COL4A4: variants seen among roughly 807,000 people sequenced by gnomAD.
The protein encoded by COL4A4 is collagen alpha-4(IV) chain.
In COL4A4, 105 loss-of-function variants were observed where a neutral mutation model predicts 192.9. That is an observed-to-expected ratio of 0.54 (90% confidence interval 0.46 to 0.64). The LOEUF is 0.64. COL4A4 is among the 30% of genes least tolerant of loss of function. The pLI, the probability that COL4A4 is intolerant of heterozygous loss-of-function variation, is 0.00. For missense variants in COL4A4, 1,967 were observed against 2,169.3 expected, an observed-to-expected ratio of 0.91 and a Z score of 1.85; for synonymous variants, 762 against 769.9, an observed-to-expected ratio of 0.99 and a Z score of 0.17.
In COL4A4 at chr2:227,077,875, A is replaced by C. The variant is rs764115912; in HGVS notation, c.1987+19T>G. 32 of 1,603,524 alleles carry C rather than the reference A, an allele frequency of 2.0e-5. No homozygotes were observed. In the South Asian group the frequency reaches 3.4e-4, roughly 17 times the overall value. Reference sequence around the variant, plus strand: ...GTACCCCAAAGCTATTGAAATAAATAAAATTTTTTTAAAATTACCTTTCTG... The same window carrying C: ...GTACCCCAAAGCTATTGAAATAAATCAAATTTTTTTAAAATTACCTTTCTG... On this transcript the variant is annotated intron_variant, in intron 25 of 47. Transcript: ENST00000396625.
chr2:227,131,504 T>G (rs2062464036), intron 4 of COL4A4, among the ~76,000 whole-genome samples: 1 of 152,200 alleles, frequency 6.6e-6, no homozygotes, highest in Admixed American at 6.5e-5. Flanking sequence ...CCTTACCCAC[T>G]GTGGTCAAAT....
chr2:227,072,524 T>C (rs1208889212), intron 25 of COL4A4, among the ~76,000 whole-genome samples: 1 of 151,876 alleles, frequency 6.6e-6, no homozygotes, highest in African/African-American at 2.4e-5. Context: ...AAAAGATTGA[T>C]AAAGAAGGCA....
At chr2:227,085,399 T>C (rs2059547982) in intron 22 of COL4A4, among the ~76,000 whole-genome samples, 1 of 152,092 alleles carries the variant, frequency 6.6e-6, no homozygotes, top group Non-Finnish European at 1.5e-5. Flanking sequence ...ACAAACACCA[T>C]GAGGACACAA....
At chr2:226,990,936 CA>C in the COL4A4 span, among the ~76,000 whole-genome samples, 2 of 152,070 alleles carry the variant, frequency 1.3e-5, no homozygotes, top group Non-Finnish European at 2.9e-5. Context: ...TGTAAATGTC[CA>C]ATGTATGATT....
chr2:226,983,290 G>C, the COL4A4 span, among the ~76,000 whole-genome samples: 5 of 152,070 alleles, frequency 3.3e-5, no homozygotes, highest in Admixed American at 3.3e-4. Flanking sequence ...GAGAATCACT[G>C]TTCTAAATCC....
At chr2:227,143,187 G>C (rs1370226466) in intron 3 of COL4A4, among the ~76,000 whole-genome samples, 2 of 152,122 alleles carry the variant, frequency 1.3e-5, no homozygotes, top group African/African-American at 4.8e-5. Context: ...TAATACATAT[G>C]CCTATCCATC....
At chr2:227,049,359 C>T (rs1973561886) in intron 34 of COL4A4, among the ~76,000 whole-genome samples, 1 of 152,214 alleles carries the variant, frequency 6.6e-6, no homozygotes, top group Non-Finnish European at 1.5e-5. Context: ...ATCTAGCCTG[C>T]AGCCAATTTT....
At chr2:227,120,900 CT>C in intron 5 of COL4A4, 113 bp downstream of exon 5, 1 of 1,399,204 alleles carries the variant, frequency 7.1e-7, no homozygotes. Context: ...GATCCCACCA[CT>C]GCATTCTAGC....
intron 24 of COL4A4, among the ~76,000 whole-genome samples, chr2:227,078,944 C>A (rs1440038767): frequency 6.6e-6 from 1 of 152,182 alleles, no homozygotes; most frequent in Admixed American, 6.5e-5. Context: ...GCAAAATTTG[C>A]ATCTGGTCTG....
At chr2:227,155,685 T>C (rs1029709389) in intron 1 of COL4A4, among the ~76,000 whole-genome samples, 1 of 152,086 alleles carries the variant, frequency 6.6e-6, no homozygotes, top group Non-Finnish European at 1.5e-5. Context: ...CCAAATACAA[T>C]GTGAGGCTAG....
chr2:227,090,597 C>G (rs1055293216), intron 20 of COL4A4, among the ~76,000 whole-genome samples: 2 of 151,452 alleles, frequency 1.3e-5, no homozygotes, highest in Admixed American at 6.6e-5. Flanking sequence ...TGCAAAATCA[C>G]AAAAATTAGC....
chr2:227,090,676 T>A (rs1172352334), intron 20 of COL4A4, among the ~76,000 whole-genome samples: 1 of 151,760 alleles, frequency 6.6e-6, no homozygotes, highest in Non-Finnish European at 1.5e-5. Flanking sequence ...CGCTTGAACC[T>A]GGGAGGCAGA....
chr2:227,013,262 TTC>T (rs1027422529), intron 44 of COL4A4, among the ~76,000 whole-genome samples: 3 of 152,140 alleles, frequency 2.0e-5, no homozygotes, highest in African/African-American at 7.2e-5. Context: ...TTGTTTTCTA[TTC>T]TCTTTCTCTC....
chr2:227,163,437 G>A (rs973854060), intron 1 of COL4A4, among the ~76,000 whole-genome samples: 3 of 152,238 alleles, frequency 2.0e-5, no homozygotes, highest in African/African-American at 7.2e-5. Flanking sequence ...ACGACTTGAG[G>A]ACTTCCATAA....
chr2:227,060,029 T>C (rs1320715176), intron 27 of COL4A4, 107 bp downstream of exon 27: 7 of 770,216 alleles, frequency 9.1e-6, no homozygotes, highest in Non-Finnish European at 1.5e-5. Flanking sequence ...TAGGGATCCC[T>C]GGACCATTTC....
chr2:227,111,315 C>T (rs1481332138), intron 9 of COL4A4, among the ~76,000 whole-genome samples: 1 of 152,142 alleles, frequency 6.6e-6, no homozygotes, highest in African/African-American at 2.4e-5. Flanking sequence ...ATTATTCTAG[C>T]TGGTATATAT....
intron 1 of COL4A4, among the ~76,000 whole-genome samples, chr2:227,148,330 A>C (rs1198692167): frequency 6.6e-6 from 1 of 152,232 alleles, no homozygotes; most frequent in Non-Finnish European, 1.5e-5. Context: ...CATGAAAAGG[A>C]ATGAAGTGCT....
rs191148534 is a variant in COL4A4, at chr2:227,021,748, C to T, written c.4216+300G>A. 6.0e-3 allele frequency among the ~76,000 whole-genome samples: 919 copies of T among 152,184 alleles called. 8 individuals are homozygous for T. Among genetic ancestry groups the T allele is most frequent in the African/African-American group, 0.021 (873 of 41,518 alleles). ...GCTGAGGCAGGAGAATGGCGTGAAC[C>T]TGGGAGGCGGAGCTTGCAGTGAGCC... On this transcript the variant is annotated intron_variant, in intron 44 of 47. Transcript: ENST00000396625.
intron 4 of COL4A4, among the ~76,000 whole-genome samples, chr2:227,133,361 A>G (rs920616713): frequency 2.0e-5 from 3 of 152,238 alleles, no homozygotes; most frequent in African/African-American, 7.2e-5. Flanking sequence ...TACATTCTAC[A>G]GTGTAGTAGG....
Sources: allele counts gnomAD v4.1 joint callset (sites outside exome capture counted in the v4.1 genomes callset), GRCh38; gene constraint gnomAD v4.1.1; transcripts MANE v1.5; gene names NCBI Gene and HGNC (gene_info 2026-07-23, HGNC 2026-07-21).